The following APMAP variants were observed in gnomAD, a reference collection of about 807,000 sequenced individuals.
APMAP encodes the protein adipocyte plasma membrane associated protein.
In APMAP, 33 loss-of-function variants were observed where a neutral mutation model predicts 43.6. The observed-to-expected ratio is 0.76, with a 90% confidence interval of 0.57 to 1.01. The LOEUF is 1.01. Among genes scored for constraint, APMAP ranks in the 50% least tolerant of loss-of-function variants. The probability of loss-of-function intolerance (pLI) is 0.00; values close to 1 mark genes in which losing one functional copy is unlikely to be tolerated. For synonymous variants in APMAP, 224 were observed against 216.7 expected (o/e 1.03, Z -0.30); for missense variants, 498 against 540.7 (o/e 0.92, Z 0.78).
chr20:24,988,940 T>C (rs1422281652), intron 1 of APMAP, among the ~76,000 whole-genome samples: 2 of 152,220 alleles, frequency 1.3e-5, no homozygotes, highest in African/African-American at 4.8e-5. Flanking sequence ...AGTTAGCTTG[T>C]TATATAAATG....
At position 24,963,418 on chromosome 20, in the gene APMAP, T is replaced by C. The variant is rs1305750355; in HGVS notation, c.*395A>G. 2 of 215,102 alleles carry C rather than the reference T, an allele frequency of 9.3e-6. No individual in the cohort carries two copies. The highest frequency in any genetic ancestry group is 5.3e-5 in the Admixed American group (1 of 18,882). The allele number at this position is 215,102 out of a possible 1,614,324, so 13.3% of individuals were successfully genotyped here. On this transcript the variant is annotated 3_prime_UTR_variant, in exon 9 of 9. Transcript: ENST00000217456. ...ACGTTATATATAGTAAAGAAGAACT[T>C]TGAGGCCGCAGGACAGGGCCGCAGC...
chr20:24,981,986 A>C (rs1022272387), intron 2 of APMAP, among the ~76,000 whole-genome samples: 1 of 152,236 alleles, frequency 6.6e-6, no homozygotes, highest in African/African-American at 2.4e-5. Context: ...CATGAGACAC[A>C]CCAAGCTCTG....
At chr20:24,970,951 C>G (rs1296852764) in intron 5 of APMAP, among the ~76,000 whole-genome samples, 4 of 152,088 alleles carry the variant, frequency 2.6e-5, no homozygotes, top group African/African-American at 9.7e-5. Flanking sequence ...ATGTTCGGGC[C>G]CCCACGCACA....
At chr20:24,983,372 C>T (rs189086819) in intron 2 of APMAP, among the ~76,000 whole-genome samples, 2 of 152,336 alleles carry the variant, frequency 1.3e-5, no homozygotes, top group East Asian at 3.9e-4. Flanking sequence ...CATAGATCGT[C>T]ACACTGATGA....
intron 8 of APMAP, among the ~76,000 whole-genome samples, chr20:24,967,551 GA>G (rs2087956384): frequency 6.6e-6 from 1 of 152,188 alleles, no homozygotes; most frequent in Admixed American, 6.5e-5. Flanking sequence ...GAACTAAACA[GA>G]AAAACACCTG....
At chr20:24,977,041 G>A (rs1402091244) in intron 3 of APMAP, among the ~76,000 whole-genome samples, 1 of 152,232 alleles carries the variant, frequency 6.6e-6, no homozygotes, top group African/African-American at 2.4e-5. Flanking sequence ...AGGGTGGAAT[G>A]AACAGGCAGA....
intron 1 of APMAP, among the ~76,000 whole-genome samples, chr20:24,984,491 C>G (rs2088131765): frequency 6.6e-6 from 1 of 152,190 alleles, no homozygotes; most frequent in African/African-American, 2.4e-5. Flanking sequence ...GAAGAGACAG[C>G]TAAAGTCATG....
At chr20:24,969,205 C>T (rs2087975655) in intron 7 of APMAP, 121 bp from the exon 8 acceptor site, 1 of 1,069,554 alleles carries the variant, frequency 9.3e-7, no homozygotes, top group Non-Finnish European at 1.3e-6. Flanking sequence ...CTATGACCAT[C>T]ATGAACAAAG....
chr20:24,990,925 T>C (rs773842431), intron 1 of APMAP, among the ~76,000 whole-genome samples: 15 of 152,210 alleles, frequency 9.9e-5, no homozygotes, highest in Admixed American at 2.6e-4. Flanking sequence ...ACAATGTTCA[T>C]GGACAGGGAA....
At chr20:24,978,410 A>C (rs1364549178) in intron 3 of APMAP, among the ~76,000 whole-genome samples, 2 of 152,248 alleles carry the variant, frequency 1.3e-5, no homozygotes, top group Non-Finnish European at 2.9e-5. Context: ...AATGGAACTA[A>C]GAAATACTGT....
chr20:24,964,716 G>C (rs959077485), intron 8 of APMAP, among the ~76,000 whole-genome samples: 1 of 152,124 alleles, frequency 6.6e-6, no homozygotes, highest in Non-Finnish European at 1.5e-5. Flanking sequence ...ACACCTGGTC[G>C]GAAATTATGA....
At chr20:24,991,096 G>T (rs767144112) in intron 1 of APMAP, among the ~76,000 whole-genome samples, 5 of 152,200 alleles carry the variant, frequency 3.3e-5, no homozygotes, top group Non-Finnish European at 7.3e-5. Flanking sequence ...GGGGCCAGAA[G>T]TGTGAGCCAG....
chr20:24,979,016 G>T, intron 2 of APMAP, 134 bp from the exon 3 acceptor site: 2 of 663,124 alleles, frequency 3.0e-6, no homozygotes, highest in Non-Finnish European at 2.6e-6. Context: ...GAAATACAAG[G>T]GTTAAGAAAA....
intron 8 of APMAP, chr20:24,964,353 G>A: frequency 1.9e-6 from 1 of 524,314 alleles, no homozygotes; most frequent in South Asian, 1.5e-5. Flanking sequence ...TGCAGCCAAG[G>A]CTCAGAATGA....
At chr20:24,991,990 G>T (rs975435894) in intron 1 of APMAP, among the ~76,000 whole-genome samples, 5 of 152,180 alleles carry the variant, frequency 3.3e-5, no homozygotes, top group African/African-American at 9.7e-5. Flanking sequence ...CACAAAAATT[G>T]CCTACAATGT....
chr20:24,984,633 TA>T (rs750341798), intron 1 of APMAP, among the ~76,000 whole-genome samples: 5 of 152,266 alleles, frequency 3.3e-5, no homozygotes, highest in Non-Finnish European at 7.3e-5. Context: ...TACTGACAGT[TA>T]TCCACACAGG....
chr20:24,965,707 G>C (rs533759650), intron 8 of APMAP, among the ~76,000 whole-genome samples: 1 of 152,352 alleles, frequency 6.6e-6, no homozygotes, highest in South Asian at 2.1e-4. Context: ...GGTCAGGGAG[G>C]AAGGGGACAG....
intron 4 of APMAP, among the ~76,000 whole-genome samples, chr20:24,973,367 C>CAAT (rs1443559109): frequency 6.6e-6 from 1 of 152,112 alleles, no homozygotes; most frequent in Non-Finnish European, 1.5e-5. Context: ...ACGGGGACCC[C>CAAT]AATAAAATGG....
intron 1 of APMAP, among the ~76,000 whole-genome samples, chr20:24,990,213 T>C (rs1014186842): frequency 3.9e-5 from 6 of 152,218 alleles, no homozygotes; most frequent in African/African-American, 1.4e-4. Context: ...TAAAAGAATT[T>C]ACCAACCAAA....
Sources: allele counts gnomAD v4.1 joint callset (sites outside exome capture counted in the v4.1 genomes callset), GRCh38; gene constraint gnomAD v4.1.1; transcripts MANE v1.5; gene names NCBI Gene and HGNC (gene_info 2026-07-23, HGNC 2026-07-21).